Variants in CSMD1 observed in about 807,000 individuals in gnomAD.
CSMD1 encodes the protein CUB and sushi domain-containing protein 1.
A neutral mutation model predicts 417.5 loss-of-function variants in CSMD1; 213 were observed. That is an observed-to-expected ratio of 0.51 (90% confidence interval 0.46 to 0.57). The LOEUF is 0.57. CSMD1 is among the 20% of genes least tolerant of loss of function. The pLI is 0.00. For missense variants in CSMD1, 6,923 were observed against 4,529.7 expected (o/e 1.53, Z -15.17); for synonymous variants, 2,862 against 1,736.8 (o/e 1.65, Z -16.11).
intron 2 of CSMD1, among the ~76,000 whole-genome samples, chr8:4,539,702 A>T (rs190233015): frequency 1.3e-5 from 2 of 152,338 alleles, no homozygotes; most frequent in Admixed American, 1.3e-4. Flanking sequence ...AAAATATCCT[A>T]GCTCTATCCT....
intron 41 of CSMD1, chr8:3,129,019 C>A: frequency 2.9e-6 from 1 of 339,998 alleles, no homozygotes. Context: ...ACTTGCTTAG[C>A]CAACCAGATG....
intron 4 of CSMD1, among the ~76,000 whole-genome samples, chr8:4,020,014 GCAC>G (rs1796711231): frequency 1.3e-5 from 2 of 151,942 alleles, no homozygotes; most frequent in Non-Finnish European, 2.9e-5. Flanking sequence ...TCCGCTCTGG[GCAC>G]TTAGTTCTGA....
chr8:4,229,877 A>C (rs1801606151), intron 3 of CSMD1, among the ~76,000 whole-genome samples: 1 of 152,182 alleles, frequency 6.6e-6, no homozygotes, highest in African/African-American at 2.4e-5. Flanking sequence ...CCCAGTGTTG[A>C]AATCTGTGTA....
At position 4,466,382 on chromosome 8, in the gene CSMD1, G is replaced by A. The variant is rs573175374; in HGVS notation, c.303-46317C>T. 6.6e-5 allele frequency among the ~76,000 whole-genome samples: 10 copies of A among 152,158 alleles called. No individual in the cohort carries two copies. In the South Asian group the frequency reaches 1.9e-3, roughly 28 times the overall value. The stretch of plus-strand genomic sequence containing the variant: ...AGGACTAGCCATGGAGATGTATCGG[G>A]GAGTTGAAGAAAAAACAAAGCCAAA... On this transcript the variant is annotated intron_variant, in intron 2 of 69. Transcript: ENST00000635120.
At chr8:2,998,966 T>C (rs1387564770) in intron 53 of CSMD1, among the ~76,000 whole-genome samples, 1 of 152,220 alleles carries the variant, frequency 6.6e-6, no homozygotes, top group African/African-American at 2.4e-5. Context: ...TTTATCCACA[T>C]TTCTTTTGTC....
intron 5 of CSMD1, among the ~76,000 whole-genome samples, chr8:3,814,794 G>T (rs1383944): frequency 0.37 from 56,660 of 151,886 alleles, 10,753 homozygotes; most frequent in Admixed American, 0.41. Flanking sequence ...CTATTTATTC[G>T]TCACGGTGTG....
intron 52 of CSMD1, among the ~76,000 whole-genome samples, chr8:3,010,286 A>G (rs2128962320): frequency 6.6e-6 from 1 of 152,342 alleles, no homozygotes; most frequent in Non-Finnish European, 1.5e-5. Context: ...TTTTAGATGT[A>G]GCAGGTGGCA....
intron 5 of CSMD1, among the ~76,000 whole-genome samples, chr8:3,926,036 C>CACACACACCAT (rs1563217967): frequency 7.2e-6 from 1 of 138,124 alleles, no homozygotes; most frequent in African/African-American, 2.9e-5. Flanking sequence ...CACACACACA[C>CACACACACCAT]ACACACAAAC....
intron 36 of CSMD1, among the ~76,000 whole-genome samples, chr8:3,185,696 G>C (rs748869157): frequency 2.0e-5 from 3 of 152,202 alleles, no homozygotes; most frequent in Non-Finnish European, 4.4e-5. Context: ...TGAATGATAA[G>C]ATTTGATCCT....
In CSMD1 at chr8:4,147,579, T is replaced by G. The variant is rs1397920747; in HGVS notation, c.416-115480A>C. Among the ~76,000 whole-genome samples the G allele has an allele frequency of 3.3e-5, 5 of 152,214 alleles. No individual in the cohort carries two copies. The East Asian group carries it at 5.8e-4, about 18-fold the overall frequency. On this transcript the variant is annotated intron_variant, in intron 3 of 69. Transcript: ENST00000635120. ...TAAACCTGTTTCTGGATAATGATAA[T>G]GACCCTAATAAATAATATCGGTTCC... is the stretch of plus-strand genomic sequence containing the variant.
intron 10 of CSMD1, among the ~76,000 whole-genome samples, chr8:3,499,733 A>C (rs4471061): frequency 0.68 from 103,656 of 151,590 alleles, 35,614 homozygotes; most frequent in Middle Eastern, 0.75. Context: ...GGTTTGTGTC[A>C]CTGAGTGCAG....
chr8:3,148,453 G>A (rs1473440578), intron 40 of CSMD1, among the ~76,000 whole-genome samples: 1 of 152,164 alleles, frequency 6.6e-6, no homozygotes, highest in Admixed American at 6.5e-5. Flanking sequence ...AGGAGAATCT[G>A]ACTCAGAGGA....
At position 4,216,657 on chromosome 8, in the gene CSMD1, G is replaced by A. The variant is rs531876451; in HGVS notation, c.416-184558C>T. On this transcript the variant is annotated intron_variant, in intron 3 of 69. Transcript: ENST00000635120. ...CACAGCCCTGTGTTCTTTCGTAAAT[G>A]ACTGAGTGAAGGGAAGCTTCTCATG... Among the ~76,000 whole-genome samples the A allele has an allele frequency of 2.9e-4, 44 of 152,276 alleles. 1 individual carries two copies. In the South Asian group the frequency reaches 9.1e-3, roughly 32 times the overall value.
chr8:3,229,954 A>C, intron 27 of CSMD1, 86 bp downstream of exon 27: 1 of 940,734 alleles, frequency 1.1e-6, no homozygotes, highest in Non-Finnish European at 1.5e-6. Flanking sequence ...AATATTTCTG[A>C]AGAAATAATA....
intron 2 of CSMD1, among the ~76,000 whole-genome samples, chr8:4,458,699 TTAGA>T (rs1645964420): frequency 6.6e-6 from 1 of 152,220 alleles, no homozygotes; most frequent in Non-Finnish European, 1.5e-5. Context: ...AGCAAAATAA[TTAGA>T]TTATTTCTTT....
intron 23 of CSMD1, among the ~76,000 whole-genome samples, chr8:3,341,279 C>A (rs543582961): frequency 6.6e-6 from 1 of 152,176 alleles, no homozygotes; most frequent in African/African-American, 2.4e-5. Flanking sequence ...ACCTTCCTAA[C>A]TGCTACCTGG....
At chr8:4,357,127 C>T (rs1801474407) in intron 3 of CSMD1, among the ~76,000 whole-genome samples, 1 of 152,074 alleles carries the variant, frequency 6.6e-6, no homozygotes, top group Non-Finnish European at 1.5e-5. Context: ...TCATCAAAAC[C>T]CCAATTCACT....
At chr8:4,496,150 T>G (rs1801966349) in intron 2 of CSMD1, among the ~76,000 whole-genome samples, 1 of 152,234 alleles carries the variant, frequency 6.6e-6, no homozygotes, top group African/African-American at 2.4e-5. Context: ...GACTCGCAAT[T>G]CCTTTGAAAC....
intron 1 of CSMD1, among the ~76,000 whole-genome samples, chr8:4,984,306 A>T (rs1344201586): frequency 6.6e-6 from 1 of 152,220 alleles, no homozygotes; most frequent in African/African-American, 2.4e-5. Flanking sequence ...CCTTGGCTGC[A>T]TGAGAGTAGA....
Sources: allele counts gnomAD v4.1 joint callset (sites outside exome capture counted in the v4.1 genomes callset), GRCh38; gene constraint gnomAD v4.1.1; transcripts MANE v1.5; gene names NCBI Gene and HGNC (gene_info 2026-07-23, HGNC 2026-07-21).